PTBP2: variants seen among roughly 807,000 people sequenced by gnomAD.
The protein encoded by PTBP2 is polypyrimidine tract binding protein 2.
A neutral mutation model predicts 61.4 loss-of-function variants in PTBP2; 13 were observed. That is an observed-to-expected ratio of 0.21 (90% CI 0.14 to 0.34). PTBP2 has a LOEUF of 0.34. Among genes scored for constraint, PTBP2 ranks in the 10% least tolerant of loss-of-function variants. The probability of loss-of-function intolerance (pLI) is 1.00; values close to 1 mark genes in which losing one functional copy is unlikely to be tolerated. For missense variants in PTBP2, 405 were observed against 642.6 expected, an observed-to-expected ratio of 0.63 and a Z score of 4.00; for synonymous variants, 215 against 218.5, an observed-to-expected ratio of 0.98 and a Z score of 0.14.
At chr1:96,816,631 T>C (rs1286743999), downstream of PTBP2, 3 of 152,190 alleles carry the variant, frequency 2.0e-5, no homozygotes, top group Admixed American at 6.5e-5. Context: ...ATTAACACTT[T>C]GGAAGCATTT....
intron 11 of PTBP2, among the ~76,000 whole-genome samples, chr1:96,811,291 A>G (rs1176415476): frequency 6.6e-6 from 1 of 152,088 alleles, no homozygotes; most frequent in Non-Finnish European, 1.5e-5. Flanking sequence ...AGTTCTTTGT[A>G]TCTTCTGTGT....
chr1:96,751,292 A>T (rs1402576101), intron 2 of PTBP2, 133 bp from the exon 3 acceptor site: 4 of 766,582 alleles, frequency 5.2e-6, no homozygotes, highest in Non-Finnish European at 9.2e-6. Flanking sequence ...GGATGAAGTT[A>T]ATTTTTTATT....
intron 7 of PTBP2, among the ~76,000 whole-genome samples, chr1:96,782,309 TAATAAA>T (rs1658767199): frequency 6.6e-6 from 1 of 152,034 alleles, no homozygotes; most frequent in Non-Finnish European, 1.5e-5. Flanking sequence ...CACTAACTGA[TAATAAA>T]AATAAATATG....
chr1:96,762,976 C>T lies in PTBP2; in HGVS notation c.116-6727C>T, dbSNP rs1351825101. Among the ~76,000 whole-genome samples, 250 of 138,962 alleles carry T rather than the reference C, an allele frequency of 1.8e-3. 2 individuals carry two copies. The highest frequency in any genetic ancestry group is 7.6e-4 in the Non-Finnish European group (49 of 64,786). 91.2% of individuals were successfully genotyped at this position (138,962 alleles called of 152,430 possible). A position where few individuals can be genotyped will look rare whatever the true frequency, so the allele number is the denominator to read the frequency against. ...GCAGCGGCGCTCCCCACATCTCAGA[C>T]GATGGGCGGCCGGGCAGAGACGCTC... is the stretch of plus-strand genomic sequence containing the variant. On this transcript the variant is annotated intron_variant, in intron 3 of 13. Coordinates refer to ENST00000674951, the MANE Select transcript of PTBP2 (RefSeq NM_021190.4).
intron 1 of PTBP2, among the ~76,000 whole-genome samples, chr1:96,722,286 C>T (rs1649697722): frequency 6.6e-6 from 1 of 152,056 alleles, no homozygotes; most frequent in Admixed American, 6.5e-5. Context: ...AGAGACAGGC[C>T]TTTGGATTGG....
At chr1:96,742,247 T>TCC (rs1653131297) in intron 2 of PTBP2, among the ~76,000 whole-genome samples, 1 of 152,192 alleles carries the variant, frequency 6.6e-6, no homozygotes, top group Non-Finnish European at 1.5e-5. Flanking sequence ...CATGGTATTT[T>TCC]CCCTAAGAGA....
chr1:96,736,464 TGTC>T (rs767266902), intron 2 of PTBP2, among the ~76,000 whole-genome samples: 19 of 152,290 alleles, frequency 1.2e-4, no homozygotes, highest in Non-Finnish European at 1.9e-4. Context: ...GGAGCTGTGT[TGTC>T]AGTTACAGTA....
chr1:96,754,980 A>G (rs1030824316), intron 3 of PTBP2, among the ~76,000 whole-genome samples: 18 of 152,234 alleles, frequency 1.2e-4, no homozygotes, highest in African/African-American at 3.4e-4. Context: ...AGCACAATCT[A>G]TTAAAAAATG....
intron 11 of PTBP2, among the ~76,000 whole-genome samples, chr1:96,811,515 G>A (rs1662081855): frequency 6.6e-6 from 1 of 152,086 alleles, no homozygotes; most frequent in Non-Finnish European, 1.5e-5. Context: ...CGCCTCCTGG[G>A]TACAAGCAAT....
At chr1:96,746,262 G>T (rs1653751526) in intron 2 of PTBP2, among the ~76,000 whole-genome samples, 1 of 151,936 alleles carries the variant, frequency 6.6e-6, no homozygotes, top group Non-Finnish European at 1.5e-5. Context: ...CCAGTGTATT[G>T]TTCCTATTTA....
chr1:96,722,025 T>C (rs896598725), intron 1 of PTBP2, among the ~76,000 whole-genome samples, 153 bp downstream of exon 1: 3 of 151,620 alleles, frequency 2.0e-5, no homozygotes, highest in African/African-American at 7.3e-5. Context: ...ACCCCTCCCT[T>C]TGCTTCCCCC....
chr1:96,760,184 C>A (rs79383025), intron 3 of PTBP2, among the ~76,000 whole-genome samples: 2 of 150,840 alleles, frequency 1.3e-5, no homozygotes, highest in Non-Finnish European at 2.9e-5. Context: ...AAAAAAAAAA[C>A]TCCTCCAATC....
chr1:96,742,158 A>G (rs1653119890), intron 2 of PTBP2, among the ~76,000 whole-genome samples: 1 of 152,240 alleles, frequency 6.6e-6, no homozygotes, highest in Admixed American at 6.5e-5. Flanking sequence ...CTGCATTATC[A>G]AAATAAAATG....
intron 2 of PTBP2, among the ~76,000 whole-genome samples, chr1:96,731,962 C>A (rs565029843): frequency 1.4e-4 from 22 of 152,028 alleles, no homozygotes; most frequent in Admixed American, 5.9e-4. Context: ...GTCCCCAATA[C>A]GGTAAAATGT....
chr1:96,748,110 C>T (rs1654079330), intron 2 of PTBP2, among the ~76,000 whole-genome samples: 1 of 152,092 alleles, frequency 6.6e-6, no homozygotes, highest in African/African-American at 2.4e-5. Context: ...TATTTTTCCT[C>T]AGGAACTTAA....
chr1:96,764,440 A>C (rs1310602341), intron 3 of PTBP2, among the ~76,000 whole-genome samples: 1 of 152,128 alleles, frequency 6.6e-6, no homozygotes, highest in Admixed American at 6.5e-5. Context: ...TTTTCTAGTG[A>C]TTTCTTTGTA....
chr1:96,801,301 AAGTG>A (rs1660971109), intron 8 of PTBP2, among the ~76,000 whole-genome samples: 1 of 152,090 alleles, frequency 6.6e-6, no homozygotes, highest in Non-Finnish European at 1.5e-5. Context: ...CTTTTATTTG[AAGTG>A]AGTAAATGTA....
intron 2 of PTBP2, among the ~76,000 whole-genome samples, chr1:96,731,146 T>G (rs945194033): frequency 6.6e-6 from 1 of 152,190 alleles, no homozygotes; most frequent in African/African-American, 2.4e-5. Flanking sequence ...CCTACATCGA[T>G]GGACATTTAG....
chr1:96,749,523 A>G, intron 2 of PTBP2: 3 of 346,996 alleles, frequency 8.6e-6, no homozygotes, highest in Non-Finnish European at 1.8e-5. Context: ...TTTGTTTCTT[A>G]CTTTTAGAAT....
Sources: gnomAD v4.1 joint callset for allele counts (sites outside exome capture counted in the v4.1 genomes callset) on GRCh38, gnomAD v4.1.1 for gene constraint, MANE v1.5 for transcripts, NCBI Gene and HGNC (gene_info 2026-07-23, HGNC 2026-07-21) for gene names.